CISD2: variants seen among roughly 807,000 people sequenced by gnomAD.
CISD2 encodes CDGSH iron sulfur domain 2.
CISD2 carries 1 observed loss-of-function variant against 12.9 expected under a neutral mutation model. The observed-to-expected ratio is 0.08, with a 90% confidence interval of 0.03 to 0.37. The LOEUF (loss-of-function observed/expected upper bound fraction) is 0.37, where lower values mean the gene tolerates loss of function less well. Ranked by LOEUF, CISD2 falls within the 10% of genes least tolerant of loss-of-function variation. CISD2 has a pLI of 0.99. For synonymous variants in CISD2, 50 were observed against 60.6 expected (o/e 0.83, Z 0.81); for missense variants, 97 against 163.1 (o/e 0.59, Z 2.21).
chr4:102,879,361 A>G (rs1578312121), intron 1 of CISD2, among the ~76,000 whole-genome samples: 1 of 152,302 alleles, frequency 6.6e-6, no homozygotes, highest in East Asian at 1.9e-4. Context: ...AATAAAAATC[A>G]GAAGGGGGGG....
intron 2 of CISD2, among the ~76,000 whole-genome samples, chr4:102,887,031 C>T (rs1208545989): frequency 7.9e-5 from 12 of 152,218 alleles, no homozygotes; most frequent in African/African-American, 2.6e-4. Flanking sequence ...TAGGTGAGCT[C>T]GAATTTTAAG....
chr4:102,868,993 G>T lies in CISD2; in HGVS notation c.-92G>T, dbSNP rs1733331957. ...CCCGCCGCCCAGGCCGAGGCCGCCA[G>T]TGCCCGCCGGCCGCTTCCGCTCCCG... is the stretch of plus-strand genomic sequence containing the variant. On this transcript the variant is annotated 5_prime_UTR_variant, in exon 1 of 3. Coordinates refer to ENST00000273986, the MANE Select transcript of CISD2 (RefSeq NM_001008388.5). 16 of 1,423,932 alleles carry T rather than the reference G, an allele frequency of 1.1e-5. No homozygotes were observed. Among genetic ancestry groups the T allele is most frequent in the South Asian group, 8.7e-5 (6 of 68,918 alleles). 88.2% of individuals were successfully genotyped at this position (1,423,932 alleles called of 1,614,324 possible). A position where few individuals can be genotyped will look rare whatever the true frequency, so the allele number is the denominator to read the frequency against.
chr4:102,869,236 G>T (rs544217469), intron 1 of CISD2, 49 bp downstream of exon 1: 23 of 1,559,900 alleles, frequency 1.5e-5, no homozygotes, highest in Admixed American at 3.8e-5. Flanking sequence ...TTCGCCAAGC[G>T]GGGGAAGGAG....
At chr4:102,870,134 G>A (rs1733394242) in intron 1 of CISD2, among the ~76,000 whole-genome samples, 1 of 152,214 alleles carries the variant, frequency 6.6e-6, no homozygotes, top group Non-Finnish European at 1.5e-5. Flanking sequence ...GAGGTAAATA[G>A]GGTTGCTTCG....
chr4:102,880,428 A>G (rs1400571561), intron 1 of CISD2, among the ~76,000 whole-genome samples: 1 of 152,242 alleles, frequency 6.6e-6, no homozygotes, highest in Non-Finnish European at 1.5e-5. Flanking sequence ...CATACCAAAA[A>G]AGAGATACAT....
chr4:102,884,574 T>C (rs1472978383), intron 1 of CISD2, among the ~76,000 whole-genome samples: 1 of 152,254 alleles, frequency 6.6e-6, no homozygotes, highest in Non-Finnish European at 1.5e-5. Context: ...GTATCACTTA[T>C]ATTCCCTGTC....
At chr4:102,870,132 T>C (rs1202628329) in intron 1 of CISD2, among the ~76,000 whole-genome samples, 3 of 152,208 alleles carry the variant, frequency 2.0e-5, no homozygotes, top group African/African-American at 7.2e-5. Context: ...CTGAGGTAAA[T>C]AGGGTTGCTT....
In CISD2 at chr4:102,892,795, CAA is replaced by C. The variant is rs1346666851; in HGVS notation, c.*5366_*5367del. On this transcript the variant is annotated 3_prime_UTR_variant, in exon 3 of 3. Transcript: ENST00000273986. ...TGTACTAGTGAGAAAATAAAAATGT[CAA>C]GTTTATTAAATTTTCAGATTTCCTG... The C allele has an allele frequency of 6.6e-6, 1 of 152,126 alleles. No homozygotes were observed. The highest frequency in any genetic ancestry group is 1.5e-5 in the Non-Finnish European group (1 of 68,022). 9.4% of individuals were successfully genotyped at this position (152,126 alleles called of 1,614,324 possible). A position where few individuals can be genotyped will look rare whatever the true frequency, so the allele number is the denominator to read the frequency against.
At position 102,890,853 on chromosome 4, in the gene CISD2, A is replaced by AG. The variant is rs1441797257; in HGVS notation, c.*3424dup. The AG allele has an allele frequency of 1.5e-4, 22 of 146,054 alleles. No individual in the cohort carries two copies. Among genetic ancestry groups the AG allele is most frequent in the Admixed American group, 4.7e-4 (7 of 14,752 alleles). 9.0% of individuals were successfully genotyped at this position (146,054 alleles called of 1,614,324 possible). A position where few individuals can be genotyped will look rare whatever the true frequency, so the allele number is the denominator to read the frequency against. ...GAAACCCTATCTTAAAAAAAAAAAA[A>AG]GTCTTTTTTTTTTTTCATCTAATCA... On this transcript the variant is annotated 3_prime_UTR_variant, in exon 3 of 3. Transcript: ENST00000273986.
intron 1 of CISD2, chr4:102,869,561 G>T: frequency 1.4e-6 from 1 of 700,520 alleles, no homozygotes; most frequent in Non-Finnish European, 2.6e-6. Context: ...GTTATCTAAG[G>T]CCTCATGTAA....
Position 102,888,461 on chromosome 4 carries a change from A to G in CISD2, c.*1031A>G, listed in dbSNP as rs536651109. On this transcript the variant is annotated 3_prime_UTR_variant, in exon 3 of 3. Coordinates refer to ENST00000273986, the MANE Select transcript of CISD2 (RefSeq NM_001008388.5). ...TGCTGATCTGTGTGACCTCACCTGC[A>G]TTTGATTGAAAAAAGTATGCGCGTA... 1 of 152,360 alleles carries G rather than the reference A, an allele frequency of 6.6e-6. No individual in the cohort carries two copies. The highest frequency in any genetic ancestry group is 1.5e-5 in the Non-Finnish European group (1 of 68,028). 9.4% of individuals were successfully genotyped at this position (152,360 alleles called of 1,614,324 possible).
intron 1 of CISD2, among the ~76,000 whole-genome samples, chr4:102,871,113 T>C (rs1046305782): frequency 2.0e-4 from 30 of 152,234 alleles, no homozygotes; most frequent in African/African-American, 6.3e-4. Flanking sequence ...AAATGTCCAA[T>C]GAATTACCTA....
At chr4:102,871,717 T>C (rs1186865512) in intron 1 of CISD2, among the ~76,000 whole-genome samples, 2 of 152,214 alleles carry the variant, frequency 1.3e-5, no homozygotes, top group Non-Finnish European at 2.9e-5. Flanking sequence ...ATGTACACTT[T>C]TGTTAAAATA....
intron 1 of CISD2, among the ~76,000 whole-genome samples, chr4:102,874,173 T>C (rs908554684): frequency 2.0e-5 from 3 of 151,232 alleles, no homozygotes; most frequent in African/African-American, 4.9e-5. Context: ...CAAAATCTTA[T>C]CCTTTGCAGC....
intron 1 of CISD2, among the ~76,000 whole-genome samples, chr4:102,871,997 A>G (rs1049657460): frequency 2.6e-5 from 4 of 152,176 alleles, no homozygotes; most frequent in Admixed American, 6.5e-5. Flanking sequence ...CAACTTAACT[A>G]TCTTTGTTTA....
chr4:102,871,459 C>T (rs1403032304), intron 1 of CISD2, among the ~76,000 whole-genome samples: 1 of 152,058 alleles, frequency 6.6e-6, no homozygotes, highest in African/African-American at 2.4e-5. Flanking sequence ...TACAGTGTGG[C>T]TATAGTTAAT....
rs1733349152 is a variant in CISD2, at chr4:102,869,246, G to A, written c.103+59G>A. ...GCACGTTCGCCAAGCGGGGGAAGGA[G>A]GCGTAAAAATCCTAGGGCCAAGGGG... On this transcript the variant is annotated intron_variant, in intron 1 of 2. Transcript: ENST00000273986. 6 of 1,553,148 alleles carry A rather than the reference G, an allele frequency of 3.9e-6. No individual in the cohort carries two copies. In the South Asian group the frequency reaches 5.9e-5, roughly 15 times the overall value.
chr4:102,881,537 T>A (rs1181922870), intron 1 of CISD2, among the ~76,000 whole-genome samples: 2 of 152,248 alleles, frequency 1.3e-5, no homozygotes, highest in African/African-American at 4.8e-5. Flanking sequence ...AAATATCACT[T>A]GTACCCCATA....
At chr4:102,886,254 C>T (rs1303436227) in intron 2 of CISD2, among the ~76,000 whole-genome samples, 3 of 151,982 alleles carry the variant, frequency 2.0e-5, no homozygotes, top group East Asian at 3.9e-4. Flanking sequence ...TTTGGGAGGC[C>T]GAGGCAGGTG....
Sources: allele counts gnomAD v4.1 joint callset (sites outside exome capture counted in the v4.1 genomes callset), GRCh38; gene constraint gnomAD v4.1.1; transcripts MANE v1.5; gene names NCBI Gene and HGNC (gene_info 2026-07-23, HGNC 2026-07-21).